Variants in INPP5B observed in about 807,000 individuals in gnomAD.
INPP5B encodes inositol polyphosphate-5-phosphatase B, also known as type II inositol 1,4,5-trisphosphate 5-phosphatase.
Under a neutral mutation model 118.5 loss-of-function variants are expected in INPP5B, and 90 were observed. The ratio of observed to expected loss-of-function variants is 0.76; its 90% confidence interval spans 0.64 to 0.90. The LOEUF is 0.90. Ranked by LOEUF, INPP5B falls within the 40% of genes least tolerant of loss-of-function variation. INPP5B has a pLI of 0.00. For synonymous variants in INPP5B, 385 were observed against 418.9 expected (o/e 0.92, Z 0.99); for missense variants, 984 against 1,125.6 (o/e 0.87, Z 1.80).
At chr1:37,932,788 A>C (rs537047451) in intron 6 of INPP5B, among the ~76,000 whole-genome samples, 28 of 152,310 alleles carry the variant, frequency 1.8e-4, no homozygotes, top group Admixed American at 1.6e-3. Context: ...TTCACCACCC[A>C]TAACCTCCAG....
At chr1:37,931,699 G>A (rs1195462277) in intron 7 of INPP5B, 29 of 1,535,104 alleles carry the variant, frequency 1.9e-5, no homozygotes, top group Non-Finnish European at 2.3e-5. Context: ...CCGAGAGCCG[G>A]CGGCGGCAGA....
At chr1:37,927,317 A>G (rs1445348065) in intron 7 of INPP5B, among the ~76,000 whole-genome samples, 1 of 152,108 alleles carries the variant, frequency 6.6e-6, no homozygotes, top group Non-Finnish European at 1.5e-5. Flanking sequence ...GAGCAGTTAA[A>G]TAAGTGCAGG....
intron 7 of INPP5B, among the ~76,000 whole-genome samples, chr1:37,897,126 C>T (rs1291134092): frequency 2.0e-5 from 3 of 146,408 alleles, no homozygotes; most frequent in Non-Finnish European, 4.5e-5. Context: ...GTCAGACCCC[C>T]GTCCGGCCAG....
chr1:37,880,140 G>C lies in INPP5B; in HGVS notation c.1486C>G (p.Leu496Val), dbSNP rs1316414773. The C allele has an allele frequency of 6.2e-7, 1 of 1,612,232 alleles. No individual in the cohort carries two copies. The highest frequency in any genetic ancestry group is 8.5e-7 in the Non-Finnish European group (1 of 1,178,608). ...TVFEGFTEGE[L>V]TFQPTYKYDT... ...TACTTGTAAGTAGGCTGGAATGTGA[G>C]CTCACCCTCTGTGAAGCCTTCAAAG... is the stretch of plus-strand genomic sequence containing the variant. The change falls in exon 15 of 24, where the codon CTC becomes GTC. Residue 496 changes from leucine (L) to valine (V), a missense_variant. By Grantham distance (32) the Leu-to-Val change is conservative (BLOSUM62 1). Coordinates refer to ENST00000373024, the MANE Select transcript of INPP5B (RefSeq NM_005540.3).
chr1:37,902,979 T>G (rs1436381223), intron 7 of INPP5B, among the ~76,000 whole-genome samples: 1 of 146,210 alleles, frequency 6.8e-6, no homozygotes, highest in Admixed American at 7.1e-5. Flanking sequence ...TGAGACCCTG[T>G]CTCAAAAAAA....
rs549751481 is a variant in INPP5B, at chr1:37,869,281, C to A, written c.2188-667G>T. On this transcript the variant is annotated intron_variant, in intron 19 of 23. Coordinates refer to ENST00000373024, the MANE Select transcript of INPP5B (RefSeq NM_005540.3). ...GTGCTAGGATTACAGGCGTGAGCCACCGTGCCCGGCCCGATTTTTTTTTTA... is the reference window on the plus strand; with the variant it reads ...GTGCTAGGATTACAGGCGTGAGCCAACGTGCCCGGCCCGATTTTTTTTTTA... 4.6e-5 allele frequency among the ~76,000 whole-genome samples: 7 copies of A among 152,014 alleles called. No homozygotes were observed. The East Asian group carries it at 1.2e-3, about 25-fold the overall frequency.
chr1:37,884,693 T>G (rs1221862691), intron 13 of INPP5B, among the ~76,000 whole-genome samples: 1 of 152,154 alleles, frequency 6.6e-6, no homozygotes, highest in Admixed American at 6.5e-5. Context: ...GGCTCATGCC[T>G]GTAATCCCAG....
intron 7 of INPP5B, among the ~76,000 whole-genome samples, chr1:37,900,311 A>G (rs547280481): frequency 1.3e-5 from 2 of 149,770 alleles, no homozygotes; most frequent in Admixed American, 6.6e-5. Flanking sequence ...ATGGAGTGCA[A>G]TGGTGCGATC....
intron 5 of INPP5B, among the ~76,000 whole-genome samples, chr1:37,943,088 C>T (rs1319702720): frequency 2.6e-5 from 4 of 151,910 alleles, no homozygotes; most frequent in Non-Finnish European, 5.9e-5. Flanking sequence ...GCAACCTCCG[C>T]CTCCCAGGTT....
At chr1:37,941,484 G>C (rs1263795855) in intron 5 of INPP5B, among the ~76,000 whole-genome samples, 1 of 151,540 alleles carries the variant, frequency 6.6e-6, no homozygotes, top group Non-Finnish European at 1.5e-5. Context: ...ACCACCCCCC[G>C]CCACCCAATC....
rs3843 is a variant in INPP5B at position 37,862,310 on chromosome 1, G to T, written c.*5C>A. 0.69 allele frequency: 1,090,021 copies of T among 1,582,598 alleles called. 383,137 individuals carry two copies. The highest frequency in any genetic ancestry group is 0.73 in the Non-Finnish European group (836,836 of 1,151,828). ...GCCTCAAGTAAAATAGGAGGAGAGA[G>T]AGGCTCAGAGTGGGTTGCAGAGGAA... On this transcript the variant is annotated 3_prime_UTR_variant, in exon 24 of 24. Coordinates refer to ENST00000373024, the MANE Select transcript of INPP5B (RefSeq NM_005540.3).
intron 7 of INPP5B, among the ~76,000 whole-genome samples, chr1:37,921,680 C>G (rs959720934): frequency 2.2e-4 from 33 of 152,158 alleles, no homozygotes; most frequent in Admixed American, 8.5e-4. Context: ...AACCCTGTCT[C>G]TACTAAAAAT....
At chr1:37,894,668 T>G (rs1643957576) in intron 7 of INPP5B, among the ~76,000 whole-genome samples, 1 of 151,916 alleles carries the variant, frequency 6.6e-6, no homozygotes, top group Non-Finnish European at 1.5e-5. Flanking sequence ...TTCAAGCTAT[T>G]CTCCTGCCTC....
At chr1:37,931,449 A>T in intron 7 of INPP5B, 1 of 1,527,858 alleles carries the variant, frequency 6.5e-7, no homozygotes, top group South Asian at 1.2e-5. Flanking sequence ...CAGCCTCCGG[A>T]TTCCCAAGTA....
intron 6 of INPP5B, among the ~76,000 whole-genome samples, chr1:37,932,724 G>A (rs1232406457): frequency 6.6e-6 from 1 of 152,126 alleles, no homozygotes; most frequent in Non-Finnish European, 1.5e-5. Context: ...GTCTGAGGTC[G>A]CAGAGTGACT....
At chr1:37,910,571 G>A (rs902294159) in intron 7 of INPP5B, among the ~76,000 whole-genome samples, 3 of 151,730 alleles carry the variant, frequency 2.0e-5, no homozygotes, top group Admixed American at 6.6e-5. Flanking sequence ...CTCCCTCCTT[G>A]GCAACGGATG....
intron 17 of INPP5B, 61 bp downstream of exon 17, chr1:37,875,545 G>A: frequency 7.7e-7 from 1 of 1,303,144 alleles, no homozygotes; most frequent in East Asian, 2.3e-5. Flanking sequence ...TGGGATTACA[G>A]GCGTGAGCCA....
At position 37,888,309 on chromosome 1, in the gene INPP5B, G is replaced by A; in HGVS notation, c.833C>T (p.Ser278Phe). 6.4e-7 allele frequency: 1 copy of A among 1,573,268 alleles called. No homozygotes were observed. Among genetic ancestry groups the A allele is most frequent in the Non-Finnish European group, 8.6e-7 (1 of 1,160,008 alleles). ...FAGTYNVNGQ[S>F]PKECLRLWLS... The stretch of plus-strand genomic sequence containing the variant: ...CCACAGCCGGAGGCATTCTTTGGGG[G>A]ACTGCCCATTTACATTGTATGTTCC... The change falls in exon 10 of 24, where the codon TCC becomes TTC. Residue 278 changes from serine to phenylalanine, a missense_variant. Around this residue, in one of 2 missense-constraint regions of INPP5B, gnomAD observed 634 missense variants for 791.0 expected, o/e 0.80. Coordinates refer to ENST00000373024, the MANE Select transcript of INPP5B (RefSeq NM_005540.3).
At chr1:37,931,669 G>A (rs34655914) in intron 7 of INPP5B, 837,088 of 1,534,968 alleles carry the variant, frequency 0.55, 236,975 homozygotes, top group Non-Finnish European at 0.59. Context: ...GCCGCCCGCC[G>A]AACCTGCAGT....
Sources: gnomAD v4.1 joint callset for allele counts (sites outside exome capture counted in the v4.1 genomes callset) on GRCh38, gnomAD v4.1.1 for gene constraint, gnomAD v4.1.1 regional missense constraint, MANE v1.5 for transcripts, NCBI Gene and HGNC (gene_info 2026-07-23, HGNC 2026-07-21) for gene names.